Variants in KCNQ5 observed in about 807,000 individuals in gnomAD.
KCNQ5 encodes potassium voltage-gated channel subfamily Q member 5.
KCNQ5 carries 30 observed loss-of-function variants against 98.2 expected under a neutral mutation model. That is an observed-to-expected ratio of 0.31 (90% confidence interval 0.23 to 0.41). The LOEUF (loss-of-function observed/expected upper bound fraction) is 0.41, where lower values mean the gene tolerates loss of function less well. KCNQ5 is among the 10% of genes least tolerant of loss of function. The probability of loss-of-function intolerance (pLI) is 1.00; values close to 1 mark genes in which losing one functional copy is unlikely to be tolerated. For synonymous variants in KCNQ5, 458 were observed against 449.4 expected (o/e 1.02, Z -0.24); for missense variants, 835 against 1,182.5 (o/e 0.71, Z 4.31).
intron 1 of KCNQ5, among the ~76,000 whole-genome samples, chr6:72,837,683 A>G (rs1776565190): frequency 6.6e-6 from 1 of 152,188 alleles, no homozygotes; most frequent in South Asian, 2.1e-4. Flanking sequence ...TTTTGCCAGC[A>G]TAAGATATTC....
At chr6:72,862,741 C>T (rs755242348) in intron 1 of KCNQ5, among the ~76,000 whole-genome samples, 1 of 152,066 alleles carries the variant, frequency 6.6e-6, no homozygotes, top group African/African-American at 2.4e-5. Flanking sequence ...AATCCTCCCA[C>T]CTCACCCTCC....
intron 1 of KCNQ5, among the ~76,000 whole-genome samples, chr6:72,710,937 T>A (rs1769335939): frequency 6.6e-6 from 1 of 152,174 alleles, no homozygotes; most frequent in Non-Finnish European, 1.5e-5. Flanking sequence ...AGATACTAGG[T>A]TAGGCCACAA....
intron 3 of KCNQ5, among the ~76,000 whole-genome samples, chr6:73,046,924 T>A (rs1269993644): frequency 6.6e-6 from 1 of 152,192 alleles, no homozygotes; most frequent in Non-Finnish European, 1.5e-5. Flanking sequence ...ATTACAAGTG[T>A]GAGCCACCAC....
chr6:73,043,616 C>T (rs1771820916), intron 3 of KCNQ5, among the ~76,000 whole-genome samples: 1 of 152,104 alleles, frequency 6.6e-6, no homozygotes, highest in Non-Finnish European at 1.5e-5. Flanking sequence ...CATAAGGGGC[C>T]CAAACAAAAC....
At chr6:73,021,548 T>C (rs1372964313) in intron 2 of KCNQ5, among the ~76,000 whole-genome samples, 1 of 152,216 alleles carries the variant, frequency 6.6e-6, no homozygotes, top group Non-Finnish European at 1.5e-5. Context: ...GGACCCTTAT[T>C]GTTTTGTTCA....
At chr6:72,732,024 A>C (rs541314118) in intron 1 of KCNQ5, among the ~76,000 whole-genome samples, 2 of 152,234 alleles carry the variant, frequency 1.3e-5, no homozygotes, top group African/African-American at 4.8e-5. Flanking sequence ...TTTGAGCTTG[A>C]AAATGTGTTC....
intron 1 of KCNQ5, among the ~76,000 whole-genome samples, chr6:72,650,104 T>C (rs1002863080): frequency 6.6e-6 from 1 of 152,160 alleles, no homozygotes; most frequent in Non-Finnish European, 1.5e-5. Context: ...GATGGAATAA[T>C]TAAAATGCAC....
At chr6:72,780,629 G>A (rs1166049515) in intron 1 of KCNQ5, among the ~76,000 whole-genome samples, 2 of 152,192 alleles carry the variant, frequency 1.3e-5, no homozygotes, top group Non-Finnish European at 2.9e-5. Flanking sequence ...ACTGTTGGGT[G>A]AGGAGTGGAA....
At chr6:72,693,200 G>A (rs910043254) in intron 1 of KCNQ5, among the ~76,000 whole-genome samples, 9 of 151,872 alleles carry the variant, frequency 5.9e-5, no homozygotes, top group Admixed American at 1.3e-4. Flanking sequence ...GAAGAAGGAA[G>A]GAATCATTAA....
chr6:73,122,667 T>C (rs1775792977), intron 8 of KCNQ5, among the ~76,000 whole-genome samples: 1 of 152,232 alleles, frequency 6.6e-6, no homozygotes, highest in Non-Finnish European at 1.5e-5. Context: ...TGATGCTTCA[T>C]TGCTTCAAAA....
intron 1 of KCNQ5, among the ~76,000 whole-genome samples, chr6:72,725,032 A>G (rs970859934): frequency 6.6e-6 from 1 of 152,208 alleles, no homozygotes; most frequent in African/African-American, 2.4e-5. Flanking sequence ...CCTATCTTAA[A>G]GAATACACTA....
chr6:72,993,986 A>G (rs1769149264), intron 1 of KCNQ5, among the ~76,000 whole-genome samples: 1 of 85,276 alleles, frequency 1.2e-5, no homozygotes, highest in Non-Finnish European at 2.2e-5. Flanking sequence ...GTCAGGGGTC[A>G]GGGACCCACT....
At chr6:73,082,243 T>C (rs2150396196) in intron 5 of KCNQ5, among the ~76,000 whole-genome samples, 1 of 152,330 alleles carries the variant, frequency 6.6e-6, no homozygotes, top group East Asian at 1.9e-4. Context: ...TGCCAGCTTC[T>C]CAGTTTAAGA....
At chr6:73,058,347 A>T (rs930569479) in intron 3 of KCNQ5, among the ~76,000 whole-genome samples, 5 of 152,132 alleles carry the variant, frequency 3.3e-5, no homozygotes, top group African/African-American at 1.2e-4. Flanking sequence ...CGGGGGGCGG[A>T]GGCTGCAGTG....
intron 1 of KCNQ5, among the ~76,000 whole-genome samples, chr6:72,757,621 T>C (rs1772038018): frequency 6.6e-6 from 1 of 152,118 alleles, no homozygotes; most frequent in Non-Finnish European, 1.5e-5. Flanking sequence ...AGAATGGCCG[T>C]ATGGGTACTT....
chr6:72,886,495 G>GA (rs1191810618), intron 1 of KCNQ5, among the ~76,000 whole-genome samples: 2 of 152,050 alleles, frequency 1.3e-5, no homozygotes, highest in African/African-American at 4.8e-5. Context: ...AAAGAATACA[G>GA]AATTATAAAG....
chr6:72,877,035 C>T (rs1328189694), intron 1 of KCNQ5, among the ~76,000 whole-genome samples: 1 of 152,074 alleles, frequency 6.6e-6, no homozygotes, highest in East Asian at 1.9e-4. Context: ...TTAATTATCA[C>T]TCTCACCCAT....
chr6:73,140,630 A>G (rs1292745905), intron 10 of KCNQ5, among the ~76,000 whole-genome samples: 1 of 152,244 alleles, frequency 6.6e-6, no homozygotes, highest in Non-Finnish European at 1.5e-5. Context: ...GTTAAGAACA[A>G]AAGGATTTAT....
intron 1 of KCNQ5, among the ~76,000 whole-genome samples, chr6:72,954,735 A>G (rs1433586107): frequency 6.6e-6 from 1 of 152,208 alleles, no homozygotes; most frequent in African/African-American, 2.4e-5. Flanking sequence ...CCCTTCCCCA[A>G]ACAGACTTGG....
Sources: gnomAD v4.1 joint callset for allele counts (sites outside exome capture counted in the v4.1 genomes callset) on GRCh38, gnomAD v4.1.1 for gene constraint, MANE v1.5 for transcripts, NCBI Gene and HGNC (gene_info 2026-07-23, HGNC 2026-07-21) for gene names.